ZFHX3: variants seen among roughly 807,000 people sequenced by gnomAD.
ZFHX3 encodes zinc finger homeobox protein 3.
ZFHX3 carries 42 observed loss-of-function variants against 279.1 expected under a neutral mutation model. The ratio of observed to expected loss-of-function variants is 0.15; its 90% CI spans 0.12 to 0.19. ZFHX3 has a LOEUF of 0.19. Among genes scored for constraint, ZFHX3 ranks in the 10% least tolerant of loss-of-function variants. The probability of loss-of-function intolerance (pLI) is 1.00; values close to 1 mark genes in which losing one functional copy is unlikely to be tolerated. For synonymous variants in ZFHX3, 2,293 were observed against 1,957.8 expected (o/e 1.17, Z -4.52); for missense variants, 4,981 against 4,754.0 (o/e 1.05, Z -1.40).
At chr16:73,716,196 G>A (rs1005632263) in intron 1 of ZFHX3, among the ~76,000 whole-genome samples, 8 of 148,272 alleles carry the variant, frequency 5.4e-5, no homozygotes, top group Admixed American at 2.1e-4. Flanking sequence ...GGGAGGGAAT[G>A]GGTGGCTGGG....
chr16:73,628,971 A>G (rs574024423), intron 2 of ZFHX3, among the ~76,000 whole-genome samples: 363 of 152,318 alleles, frequency 2.4e-3, no homozygotes, highest in African/African-American at 8.3e-3. Context: ...GTGTGGCTGT[A>G]TAAATCCTGA....
At chr16:73,313,132 G>GCCACA (rs2015365093) in intron 4 of ZFHX3, among the ~76,000 whole-genome samples, 2 of 152,068 alleles carry the variant, frequency 1.3e-5, no homozygotes, top group African/African-American at 4.8e-5. Context: ...AAAAGTGTGT[G>GCCACA]GCACCTCCCC....
intron 4 of ZFHX3, among the ~76,000 whole-genome samples, chr16:73,276,818 C>T (rs1303124943): frequency 1.3e-5 from 2 of 152,156 alleles, no homozygotes; most frequent in African/African-American, 2.4e-5. Context: ...TAGTCGATTA[C>T]ATGAGGGGAA....
chr16:73,880,503 G>A (rs764421051), intron 1 of ZFHX3, among the ~76,000 whole-genome samples: 8 of 152,158 alleles, frequency 5.3e-5, no homozygotes, highest in Non-Finnish European at 1.0e-4. Flanking sequence ...GAAAAGATGA[G>A]ATTGGGATAA....
chr16:72,980,417 G>A (rs1962539374), intron 1 of ZFHX3, among the ~76,000 whole-genome samples: 1 of 152,130 alleles, frequency 6.6e-6, no homozygotes, highest in African/African-American at 2.4e-5. Context: ...CCATTTTGGG[G>A]ACAATCAGAT....
chr16:72,911,835 C>T (rs1348222425), intron 3 of ZFHX3, among the ~76,000 whole-genome samples: 1 of 152,116 alleles, frequency 6.6e-6, no homozygotes, highest in Non-Finnish European at 1.5e-5. Flanking sequence ...CCAACAATCA[C>T]ATCTAGTTAC....
At chr16:73,399,842 G>GTGTC (rs775052179) in intron 3 of ZFHX3, among the ~76,000 whole-genome samples, 64 of 113,330 alleles carry the variant, frequency 5.6e-4, no homozygotes, top group Non-Finnish European at 8.2e-4. Context: ...TGTGTGGTGT[G>GTGTC]TGTGTGTGTG....
At chr16:72,911,479 G>C (rs1218381357) in intron 3 of ZFHX3, among the ~76,000 whole-genome samples, 1 of 152,068 alleles carries the variant, frequency 6.6e-6, no homozygotes, top group Non-Finnish European at 1.5e-5. Context: ...TCCTAATTAG[G>C]GCTTGCTGAA....
intron 1 of ZFHX3, among the ~76,000 whole-genome samples, chr16:73,793,321 G>T (rs1311306839): frequency 1.3e-5 from 2 of 152,222 alleles, no homozygotes; most frequent in Non-Finnish European, 2.9e-5. Flanking sequence ...GAGATTCAAA[G>T]AAAGAGAGTG....
chr16:73,877,150 T>C (rs2029975117), intron 1 of ZFHX3, among the ~76,000 whole-genome samples: 1 of 127,654 alleles, frequency 7.8e-6, no homozygotes, highest in Non-Finnish European at 1.6e-5. Flanking sequence ...GCATGTATGG[T>C]GCATCAAGCA....
chr16:73,149,107 G>A (rs1181455698), intron 5 of ZFHX3, among the ~76,000 whole-genome samples: 2 of 148,316 alleles, frequency 1.3e-5, no homozygotes, highest in East Asian at 2.0e-4. Flanking sequence ...AGCAATTATT[G>A]TTGATATTTT....
rs533810860 is a variant in ZFHX3, at chr16:72,947,185, C to A, written c.3216+3284G>T. ...CCCAGAGACAAGGTAAGGGGGCTTC[C>A]CCCGGATGCCTCGGGCCCTGCGGCA... On this transcript the variant is annotated intron_variant, in intron 3 of 9. Coordinates refer to ENST00000268489, the MANE Select transcript of ZFHX3 (RefSeq NM_006885.4). Among the ~76,000 whole-genome samples the A allele has an allele frequency of 5.3e-5, 8 of 152,330 alleles. No homozygotes were observed. In the East Asian group the frequency reaches 1.5e-3, roughly 29 times the overall value.
chr16:73,033,756 G>A (rs898436926), intron 1 of ZFHX3, among the ~76,000 whole-genome samples: 1 of 152,080 alleles, frequency 6.6e-6, no homozygotes, highest in Admixed American at 6.5e-5. Flanking sequence ...CTTACCAGGG[G>A]CACAAATCCC....
intron 2 of ZFHX3, among the ~76,000 whole-genome samples, chr16:73,509,328 T>G (rs2019382025): frequency 6.6e-6 from 1 of 152,020 alleles, no homozygotes; most frequent in African/African-American, 2.4e-5. Flanking sequence ...CTTCACTATG[T>G]TTCCCTACCA....
intron 2 of ZFHX3, among the ~76,000 whole-genome samples, chr16:73,484,778 A>C (rs1445272086): frequency 3.3e-5 from 5 of 152,196 alleles, no homozygotes; most frequent in Non-Finnish European, 7.4e-5. Flanking sequence ...GCTCTCTGGA[A>C]ATACGATGTC....
chr16:73,528,089 C>T (rs981007343), intron 2 of ZFHX3, among the ~76,000 whole-genome samples: 1 of 152,206 alleles, frequency 6.6e-6, no homozygotes, highest in East Asian at 1.9e-4. Flanking sequence ...ATTTTAGTAT[C>T]CTTTTCTCTA....
chr16:73,381,847 C>T (rs371213120), intron 3 of ZFHX3, among the ~76,000 whole-genome samples: 7 of 152,124 alleles, frequency 4.6e-5, no homozygotes, highest in East Asian at 3.9e-4. Context: ...TGTGACAGGC[C>T]GCATTCAAAG....
chr16:72,909,230 G>A (rs2039259249), intron 3 of ZFHX3, among the ~76,000 whole-genome samples: 1 of 152,180 alleles, frequency 6.6e-6, no homozygotes. Context: ...ATGTAGGCAA[G>A]GGGTCAGAAA....
chr16:73,803,452 A>T (rs1960192565), intron 1 of ZFHX3, among the ~76,000 whole-genome samples: 2 of 152,264 alleles, frequency 1.3e-5, no homozygotes, highest in African/African-American at 4.8e-5. Context: ...ACAAGATTTA[A>T]GGAAAATAAT....
Sources: gnomAD v4.1 joint callset for allele counts (sites outside exome capture counted in the v4.1 genomes callset) on GRCh38, gnomAD v4.1.1 for gene constraint, MANE v1.5 for transcripts, NCBI Gene and HGNC (gene_info 2026-07-23, HGNC 2026-07-21) for gene names.